The following BDNF variants were observed in gnomAD, a reference collection of about 807,000 sequenced individuals.
The protein encoded by BDNF is brain derived neurotrophic factor.
Under a neutral mutation model 19.5 loss-of-function variants are expected in BDNF, and 1 was observed. The ratio of observed to expected loss-of-function variants is 0.05; its 90% CI spans 0.02 to 0.24. The LOEUF is 0.24. Ranked by LOEUF, BDNF falls within the 10% of genes least tolerant of loss-of-function variation. BDNF has a pLI of 1.00. For synonymous variants in BDNF, 100 were observed against 121.6 expected (o/e 0.82, Z 1.17); for missense variants, 195 against 317.6 (o/e 0.61, Z 2.93).
chr11:27,659,140 T>C, intron 1 of BDNF: 1 of 1,002,956 alleles, frequency 1.0e-6, no homozygotes, highest in Non-Finnish European at 1.2e-6. Flanking sequence ...AAGGAGCCTT[T>C]AAATTGACTT....
intron 1 of BDNF, among the ~76,000 whole-genome samples, chr11:27,708,727 A>G (rs912164754): frequency 6.6e-6 from 1 of 152,032 alleles, no homozygotes; most frequent in African/African-American, 2.4e-5. Flanking sequence ...TAGTTGGAAT[A>G]TAAGGTGGTT....
At chr11:27,700,519 C>CGGGG, upstream of BDNF, 5 of 759,762 alleles carry the variant, frequency 6.6e-6, no homozygotes, top group Non-Finnish European at 5.8e-6. Context: ...CAAACGGCGC[C>CGGGG]GCCCCCCCCC....
chr11:27,672,391 G>A (rs1855511474), intron 1 of BDNF, among the ~76,000 whole-genome samples: 1 of 152,128 alleles, frequency 6.6e-6, no homozygotes, highest in East Asian at 1.9e-4. Context: ...TAGATGTCCA[G>A]TCACACTAGT....
chr11:27,699,309 TCC>T, intron 1 of BDNF: 1 of 1,588,908 alleles, frequency 6.3e-7, no homozygotes, highest in South Asian at 1.1e-5. Flanking sequence ...GTCTGTAATC[TCC>T]CCTTCTTCTT....
At chr11:27,721,387 T>C in intron 1 of BDNF, 2 of 1,613,776 alleles carry the variant, frequency 1.2e-6, no homozygotes, top group Non-Finnish European at 8.5e-7. Context: ...TTTTCAATTA[T>C]AATGCAGGTT....
chr11:27,684,342 GCAAA>G (rs1351911382), intron 1 of BDNF, among the ~76,000 whole-genome samples: 1 of 152,158 alleles, frequency 6.6e-6, no homozygotes, highest in African/African-American at 2.4e-5. Context: ...CATGTCATCT[GCAAA>G]CAGAGACAAT....
intron 1 of BDNF, among the ~76,000 whole-genome samples, chr11:27,693,959 C>A (rs1681425655): frequency 6.6e-6 from 1 of 152,036 alleles, no homozygotes; most frequent in Non-Finnish European, 1.5e-5. Context: ...ACACACGCAC[C>A]TTTATTTTAG....
At position 27,659,866 on chromosome 11, in the gene BDNF, A is replaced by G. The variant is rs566709405; in HGVS notation, c.-21-1281T>C. Among the ~76,000 whole-genome samples, 13 of 152,330 alleles carry G rather than the reference A, an allele frequency of 8.5e-5. No individual in the cohort carries two copies. The South Asian group carries it at 1.9e-3, about 22-fold the overall frequency. On this transcript the variant is annotated intron_variant, in intron 1 of 1. Transcript: ENST00000356660. ...CTACATCTACAAGCATGCTCTAGGA[A>G]GCCAATTAAAATGGATGAACAAGCA...
Position 27,697,131 on chromosome 11 carries a change from G to A in BDNF, c.-22+3033C>T, listed in dbSNP as rs375998970. Among the ~76,000 whole-genome samples, 8 of 144,350 alleles carry A rather than the reference G, an allele frequency of 5.5e-5. No individual in the cohort carries two copies. The East Asian group carries it at 6.2e-4, about 11-fold the overall frequency. The allele number at this position is 144,350 out of a possible 152,430, so 94.7% of individuals were successfully genotyped here. On this transcript the variant is annotated intron_variant, in intron 1 of 1. Transcript: ENST00000356660. ...TCTCTCTCTCCCCCTCTACACACAC[G>A]CGCACGTGCACGCACACACACACAC...
intron 1 of BDNF, among the ~76,000 whole-genome samples, chr11:27,713,525 C>A (rs1280498089): frequency 6.6e-6 from 1 of 152,154 alleles, no homozygotes; most frequent in Non-Finnish European, 1.5e-5. Context: ...CCCACAGTAA[C>A]CTTGTTACTT....
At position 27,708,347 on chromosome 11, in the gene BDNF, C is replaced by T. The variant is rs570459589; in HGVS notation, c.3+13065G>A. 9.2e-5 allele frequency among the ~76,000 whole-genome samples: 14 copies of T among 152,190 alleles called. 1 individual carries two copies. The highest frequency in any genetic ancestry group is 2.6e-4 in the Admixed American group (4 of 15,278). On this transcript the variant is annotated intron_variant, in intron 1 of 1. Coordinates refer to the BDNF transcript ENST00000314915. ...AATTTCCATTACCTTCCATCTTGTC[C>T]GCACACAAAAACTAATTAGAGCAAA... is the stretch of plus-strand genomic sequence containing the variant.
exon 1 of BDNF, chr11:27,721,570 C>T (rs907512683): frequency 1.2e-6 from 1 of 803,638 alleles, no homozygotes; most frequent in Non-Finnish European, 2.2e-6. Context: ...AATCTAATAA[C>T]CCTTTGCAAT....
At chr11:27,684,614 T>TAA (rs1351797764) in intron 1 of BDNF, among the ~76,000 whole-genome samples, 1 of 152,234 alleles carries the variant, frequency 6.6e-6, no homozygotes, top group Non-Finnish European at 1.5e-5. Flanking sequence ...CATGAAGGGC[T>TAA]GTTGAATTTT....
chr11:27,681,363 A>T (rs1856810918), intron 1 of BDNF, among the ~76,000 whole-genome samples: 1 of 152,150 alleles, frequency 6.6e-6, no homozygotes, highest in Non-Finnish European at 1.5e-5. Context: ...CTAGACAAAA[A>T]CATCATATCT....
upstream of BDNF, chr11:27,700,777 C>T: frequency 1.7e-6 from 2 of 1,197,564 alleles, no homozygotes; most frequent in Non-Finnish European, 2.1e-6. Context: ...CCAGCCCCAG[C>T]CTCAGCCCCG....
rs995019919 is a variant in BDNF, at chr11:27,658,710, G to A, written c.-21-125C>T. On this transcript the variant is annotated intron_variant, in intron 1 of 1. Coordinates refer to ENST00000356660, the MANE Select transcript of BDNF (RefSeq NM_001709.5). The surrounding 1 kb of genome is among the most constrained non-coding windows in gnomAD (Gnocchi z 5.7). ...AGGGTCAAGGTTTTTTTATGTCTTG[G>A]TGATAAACTCCAGCTGCACCAGACA... The A allele has an allele frequency of 9.5e-5, 149 of 1,573,982 alleles. No homozygotes were observed. Among genetic ancestry groups the A allele is most frequent in the Non-Finnish European group, 1.8e-5 (21 of 1,160,602 alleles).
upstream of BDNF, among the ~76,000 whole-genome samples, chr11:27,704,166 A>G (rs116153865): frequency 3.7e-3 from 571 of 152,298 alleles, 3 homozygotes; most frequent in African/African-American, 0.013. Flanking sequence ...TAATCTGAAC[A>G]TTTTCTCTAT....
chr11:27,715,399 A>G (rs1423394165), intron 1 of BDNF, among the ~76,000 whole-genome samples: 1 of 152,170 alleles, frequency 6.6e-6, no homozygotes, highest in Admixed American at 6.5e-5. Flanking sequence ...GGTAATGTAC[A>G]TCTTGGCTTT....
chr11:27,664,630 T>A (rs1209073134), intron 1 of BDNF, among the ~76,000 whole-genome samples: 1 of 151,938 alleles, frequency 6.6e-6, no homozygotes, highest in Non-Finnish European at 1.5e-5. Context: ...ACTTAAAAAT[T>A]AAAAAAATTA....
Sources: gnomAD v4.1 joint callset for allele counts (sites outside exome capture counted in the v4.1 genomes callset) on GRCh38, gnomAD v4.1.1 for gene constraint, Gnocchi (gnomAD v3.1) non-coding constraint, MANE v1.5 for transcripts, NCBI Gene and HGNC (gene_info 2026-07-23, HGNC 2026-07-21) for gene names.